The following ELMO1 variants were observed in gnomAD, a reference collection of about 807,000 sequenced individuals.
ELMO1 encodes the protein engulfment and cell motility protein 1.
Under a neutral mutation model 98.9 loss-of-function variants are expected in ELMO1, and 26 were observed. The ratio of observed to expected loss-of-function variants is 0.26; its 90% CI spans 0.19 to 0.36. ELMO1 has a LOEUF of 0.36. Among genes scored for constraint, ELMO1 ranks in the 10% least tolerant of loss-of-function variants. The pLI is 1.00. For synonymous variants in ELMO1, 346 were observed against 346.0 expected, an observed-to-expected ratio of 1.00 and a Z score of 0.00; for missense variants, 627 against 935.2, an observed-to-expected ratio of 0.67 and a Z score of 4.30.
At chr7:37,333,613 A>T in intron 2 of ELMO1, among the ~76,000 whole-genome samples, 1 of 152,226 alleles carries the variant, frequency 6.6e-6, no homozygotes, top group East Asian at 1.9e-4. Flanking sequence ...TTAAGATTTT[A>T]TGAGGTTATA....
chr7:36,862,709 G>C (rs1802731015), intron 20 of ELMO1, among the ~76,000 whole-genome samples: 1 of 152,212 alleles, frequency 6.6e-6, no homozygotes, highest in Non-Finnish European at 1.5e-5. Flanking sequence ...CCAGCATGGA[G>C]GTTCCAGTGT....
intron 13 of ELMO1, among the ~76,000 whole-genome samples, chr7:37,201,558 C>CA (rs1435426670): frequency 6.6e-6 from 1 of 152,226 alleles, no homozygotes; most frequent in African/African-American, 2.4e-5. Context: ...GCACATCCAA[C>CA]AATGCTTCTA....
intron 15 of ELMO1, 60 bp from the exon 16 acceptor site, chr7:37,013,495 T>A: frequency 6.3e-7 from 1 of 1,579,830 alleles, no homozygotes; most frequent in East Asian, 2.3e-5. Context: ...CACGAGAACA[T>A]AACCACAGGT....
intron 13 of ELMO1, among the ~76,000 whole-genome samples, chr7:37,176,881 A>G (rs10241091): frequency 0.71 from 108,333 of 152,146 alleles, 41,476 homozygotes; most frequent in Non-Finnish European, 0.85. Flanking sequence ...AGACGACTAT[A>G]TAATCAACGT....
chr7:37,338,118 G>T lies in ELMO1; in HGVS notation c.78+4495C>A, dbSNP rs77747450. 6.6e-5 allele frequency among the ~76,000 whole-genome samples: 10 copies of T among 152,282 alleles called. No homozygotes were observed. The East Asian group carries it at 1.9e-3, about 29-fold the overall frequency. On this transcript the variant is annotated intron_variant, in intron 2 of 21. Coordinates refer to ENST00000310758, the MANE Select transcript of ELMO1 (RefSeq NM_014800.11). ...TTTTCTAATCTAGCTAATAATGGCT[G>T]CTTTTATTGAGGAATCACTCTAAGC...
At chr7:37,279,684 C>T (rs1310572858) in intron 4 of ELMO1, among the ~76,000 whole-genome samples, 1 of 152,208 alleles carries the variant, frequency 6.6e-6, no homozygotes, top group African/African-American at 2.4e-5. Context: ...GTCCTGGGAG[C>T]TCGCTGCGTC....
At chr7:37,172,680 A>G (rs1465546735) in intron 13 of ELMO1, among the ~76,000 whole-genome samples, 1 of 152,210 alleles carries the variant, frequency 6.6e-6, no homozygotes, top group African/African-American at 2.4e-5. Flanking sequence ...AGGCGAGTAC[A>G]TTGCCGACAA....
chr7:37,354,783 C>G (rs1200364223), intron 1 of ELMO1, among the ~76,000 whole-genome samples: 1 of 152,198 alleles, frequency 6.6e-6, no homozygotes, highest in Admixed American at 6.5e-5. Flanking sequence ...AAACCAGACT[C>G]GAAGCCACAG....
At chr7:37,185,482 G>C (rs1791140915) in intron 13 of ELMO1, among the ~76,000 whole-genome samples, 1 of 152,192 alleles carries the variant, frequency 6.6e-6, no homozygotes, top group Non-Finnish European at 1.5e-5. Flanking sequence ...CTGGGCAGGG[G>C]CTTGTAGTGG....
intron 4 of ELMO1, 144 bp from the exon 5 acceptor site, chr7:37,272,026 T>TAACTTTATTTCTATAAAGGCTA: frequency 1.4e-6 from 1 of 695,390 alleles, no homozygotes; most frequent in East Asian, 2.8e-5. Flanking sequence ...ATAAAGGCTG[T>TAACTTTATTTCTATAAAGGCTA]TAACTTTCTA....
chr7:37,183,062 G>C (rs1244935545), intron 13 of ELMO1, among the ~76,000 whole-genome samples: 1 of 152,204 alleles, frequency 6.6e-6, no homozygotes, highest in Non-Finnish European at 1.5e-5. Context: ...CTTGCATGGA[G>C]TCAAAGTGAT....
intron 8 of ELMO1, among the ~76,000 whole-genome samples, chr7:37,231,212 A>T (rs1226019145): frequency 1.3e-5 from 2 of 152,112 alleles, no homozygotes; most frequent in Non-Finnish European, 2.9e-5. Flanking sequence ...ATGAACATAA[A>T]ACATAGTGCG....
intron 1 of ELMO1, chr7:37,375,502 C>T (rs764185621): frequency 3.4e-5 from 27 of 804,166 alleles, no homozygotes; most frequent in African/African-American, 1.4e-4. Flanking sequence ...GCCCCGGCCC[C>T]GGACCCCAGA....
chr7:37,091,815 G>A lies in ELMO1; in HGVS notation c.1300+4804C>T, dbSNP rs141016995. Among the ~76,000 whole-genome samples the A allele has an allele frequency of 1.3e-3, 203 of 152,266 alleles. 2 individuals are homozygous for A. The highest frequency in any genetic ancestry group is 4.5e-3 in the African/African-American group (185 of 41,544). ...AGGCAAAAGGCAAGTCTTACATGGC[G>A]GCAGGCAAGACAGAATGAGAACGGA... On this transcript the variant is annotated intron_variant, in intron 15 of 21. Transcript: ENST00000310758.
intron 7 of ELMO1, among the ~76,000 whole-genome samples, chr7:37,233,730 T>TA (rs770487530): frequency 1.4e-3 from 215 of 152,114 alleles, no homozygotes; most frequent in Non-Finnish European, 2.6e-3. Flanking sequence ...GTACTTTTTT[T>TA]AAGTGGTCTA....
rs117237719 is a variant in ELMO1, at chr7:37,142,212, A to G, written c.1087-8978T>C. Among the ~76,000 whole-genome samples, 404 of 152,366 alleles carry G rather than the reference A, an allele frequency of 2.7e-3. 2 individuals carry two copies. The highest frequency in any genetic ancestry group is 0.019 in the East Asian group (98 of 5,196). ...TGACCAGAGATTAAGTCTAAAAAGT[A>G]ACTTGCCATTAAATATTTTGTAATG... On this transcript the variant is annotated intron_variant, in intron 13 of 21. Coordinates refer to ENST00000310758, the MANE Select transcript of ELMO1 (RefSeq NM_014800.11).
intron 8 of ELMO1, among the ~76,000 whole-genome samples, chr7:37,231,192 CTT>C (rs1417884935): frequency 6.6e-6 from 1 of 152,108 alleles, no homozygotes; most frequent in African/African-American, 2.4e-5. Context: ...CCAATCAGCT[CTT>C]GTCTTAAATG....
intron 14 of ELMO1, among the ~76,000 whole-genome samples, chr7:37,096,988 A>G (rs150486288): frequency 6.0e-4 from 92 of 152,286 alleles, no homozygotes; most frequent in African/African-American, 2.0e-3. Context: ...AGAAGCCTGG[A>G]GAGTGTTTTG....
chr7:37,271,606 G>A (rs930493541), intron 5 of ELMO1: 7 of 495,988 alleles, frequency 1.4e-5, no homozygotes, highest in East Asian at 1.4e-4. Flanking sequence ...ATCCTGGGCC[G>A]CAGGTTAGAC....
Sources: allele counts gnomAD v4.1 joint callset (sites outside exome capture counted in the v4.1 genomes callset), GRCh38; gene constraint gnomAD v4.1.1; transcripts MANE v1.5; gene names NCBI Gene and HGNC (gene_info 2026-07-23, HGNC 2026-07-21).